The following SLCO3A1 variants were observed in gnomAD, a reference collection of about 807,000 sequenced individuals.
The protein encoded by SLCO3A1 is PGE1 transporter.
In SLCO3A1, 27 loss-of-function variants were observed where a neutral mutation model predicts 63.1. The observed-to-expected ratio is 0.43, with a 90% confidence interval of 0.32 to 0.59. The LOEUF is 0.59. Among genes scored for constraint, SLCO3A1 ranks in the 20% least tolerant of loss-of-function variants. SLCO3A1 has a pLI of 0.09. For synonymous variants in SLCO3A1, 473 were observed against 409.9 expected (o/e 1.15, Z -1.86); for missense variants, 773 against 945.8 (o/e 0.82, Z 2.40).
intron 2 of SLCO3A1, among the ~76,000 whole-genome samples, chr15:92,035,344 C>T (rs2046711892): frequency 6.6e-6 from 1 of 151,798 alleles, no homozygotes; most frequent in Admixed American, 6.6e-5. Flanking sequence ...TTTCCTTCGT[C>T]CAAACTGTGT....
At chr15:92,167,563 A>G (rs1017199140), downstream of SLCO3A1, among the ~76,000 whole-genome samples, 2 of 152,270 alleles carry the variant, frequency 1.3e-5, no homozygotes, top group African/African-American at 4.8e-5. Flanking sequence ...AATCCCTTAC[A>G]GTAAACCACC....
rs1313429810 is a variant in SLCO3A1, at chr15:91,875,117, T to C, written c.180+21029T>C. On this transcript the variant is annotated intron_variant, in intron 1 of 9. Transcript: ENST00000318445. The surrounding 1 kb of genome is among the most constrained non-coding windows in gnomAD (Gnocchi z 4.5). ...TCTGTGTTGGTGCCCTTTTAATAGATGAGTCAGTTGCTGAAATTCTGAGTA... is the reference window on the plus strand; with the variant it reads ...TCTGTGTTGGTGCCCTTTTAATAGACGAGTCAGTTGCTGAAATTCTGAGTA... 6.6e-6 allele frequency among the ~76,000 whole-genome samples: 1 copy of C among 152,226 alleles called. No individual in the cohort carries two copies. Among genetic ancestry groups the C allele is most frequent in the South Asian group, 2.1e-4 (1 of 4,834 alleles).
chr15:91,956,131 G>A (rs1016663303), intron 2 of SLCO3A1, among the ~76,000 whole-genome samples: 2 of 152,082 alleles, frequency 1.3e-5, no homozygotes, highest in African/African-American at 4.8e-5. Flanking sequence ...GCCAGCTTTT[G>A]GAAAAGGAAA....
chr15:92,041,329 G>C (rs958587375), intron 2 of SLCO3A1, among the ~76,000 whole-genome samples: 4 of 152,292 alleles, frequency 2.6e-5, no homozygotes, highest in African/African-American at 9.6e-5. Flanking sequence ...GGCAGGGAGG[G>C]AGACACAGAA....
chr15:91,889,888 A>G (rs1897828608), intron 1 of SLCO3A1, among the ~76,000 whole-genome samples: 1 of 150,994 alleles, frequency 6.6e-6, no homozygotes. Flanking sequence ...ACTTTAAGGG[A>G]AAGATAGTCT....
At chr15:91,957,547 G>A (rs757971366) in intron 2 of SLCO3A1, among the ~76,000 whole-genome samples, 4 of 152,018 alleles carry the variant, frequency 2.6e-5, no homozygotes, top group Non-Finnish European at 4.4e-5. Flanking sequence ...ATCAAGCTCA[G>A]TTCCCACCTC....
Position 92,163,082 on chromosome 15 carries a change from A to G in SLCO3A1, c.2080A>G (p.Ile694Val). ...AAACCAGACACATAGGACAAAGTTTATCTATAACCTGGAAGACCATGAGTG... is the reference window on the plus strand; with the variant it reads ...AAACCAGACACATAGGACAAAGTTTGTCTATAACCTGGAAGACCATGAGTG... ...PANQTHRTKFIYNLEDHEWCE... is the reference protein window; with the variant it reads ...PANQTHRTKFVYNLEDHEWCE... The change falls in exon 10 of 10, where the codon ATC becomes GTC. Residue 694 changes from isoleucine (I) to valine (V), a missense_variant. Transcript: ENST00000318445. 6 of 1,547,256 alleles carry G rather than the reference A, an allele frequency of 3.9e-6. No individual in the cohort carries two copies. Among genetic ancestry groups the G allele is most frequent in the Non-Finnish European group, 5.2e-6 (6 of 1,149,084 alleles).
chr15:92,021,311 C>T (rs2046506611), intron 2 of SLCO3A1, among the ~76,000 whole-genome samples: 3 of 152,234 alleles, frequency 2.0e-5, no homozygotes, highest in African/African-American at 7.2e-5. Flanking sequence ...ATACATTTCT[C>T]ATGTACCTAT....
At chr15:92,070,346 G>A (rs1245736196) in intron 2 of SLCO3A1, among the ~76,000 whole-genome samples, 1 of 152,232 alleles carries the variant, frequency 6.6e-6, no homozygotes, top group Non-Finnish European at 1.5e-5. Context: ...AACATGTCTT[G>A]AAATAATTAC....
At chr15:91,940,316 A>G (rs575543177) in intron 2 of SLCO3A1, among the ~76,000 whole-genome samples, 4 of 152,230 alleles carry the variant, frequency 2.6e-5, no homozygotes, top group Non-Finnish European at 5.9e-5. Context: ...AATGTTTGCC[A>G]AGCCTGAGTC....
chr15:92,151,715 G>A (rs1015369279), intron 9 of SLCO3A1, among the ~76,000 whole-genome samples: 27 of 152,126 alleles, frequency 1.8e-4, no homozygotes, highest in African/African-American at 6.5e-4. Context: ...TTTTGTTAAG[G>A]CCAAGATCAA....
chr15:92,079,957 G>A (rs781737029), intron 2 of SLCO3A1, among the ~76,000 whole-genome samples: 1 of 152,248 alleles, frequency 6.6e-6, no homozygotes, highest in African/African-American at 2.4e-5. Context: ...CACAGAATGC[G>A]GGCCCTTCAG....
chr15:92,130,965 T>C (rs562534770), intron 7 of SLCO3A1, among the ~76,000 whole-genome samples: 1 of 151,088 alleles, frequency 6.6e-6, no homozygotes, highest in South Asian at 2.1e-4. Flanking sequence ...TCCCCTGGAA[T>C]TCTCCACCTT....
Position 92,146,993 on chromosome 15 carries a change from G to A in SLCO3A1, c.1522G>A (p.Gly508Ser). The change falls in exon 8 of 10, where the codon GGC (glycine) becomes AGC (serine). Residue 508 changes from glycine to serine, a missense_variant. This residue lies in a region of SLCO3A1 where 565 missense variants were observed against 749.8 expected (regional missense o/e 0.75). Coordinates refer to ENST00000318445, the MANE Select transcript of SLCO3A1 (RefSeq NM_013272.4). Reference sequence around the variant, plus strand: ...AACGCTTCCCTTTCAGAATCTCACGGGCTGTGCGTGCCTCACCACCGTCCC... The same window carrying A: ...AACGCTTCCCTTTCAGAATCTCACGAGCTGTGCGTGCCTCACCACCGTCCC... ...FAGCNSTNLT[G>S]CACLTTVPAE... 6.2e-7 allele frequency: 1 copy of A among 1,611,518 alleles called. No individual in the cohort carries two copies. Among genetic ancestry groups the A allele is most frequent in the Non-Finnish European group, 8.5e-7 (1 of 1,178,842 alleles).
chr15:91,956,310 A>T (rs1900176691), intron 2 of SLCO3A1, among the ~76,000 whole-genome samples: 1 of 152,128 alleles, frequency 6.6e-6, no homozygotes, highest in Admixed American at 6.5e-5. Context: ...TTGATGCGAA[A>T]TGGGCTGTGA....
At position 91,872,794 on chromosome 15, in the gene SLCO3A1, A is replaced by G. The variant is rs1016442375; in HGVS notation, c.180+18706A>G. 6.6e-6 allele frequency among the ~76,000 whole-genome samples: 1 copy of G among 152,236 alleles called. No individual in the cohort carries two copies. The highest frequency in any genetic ancestry group is 2.4e-5 in the African/African-American group (1 of 41,458). On this transcript the variant is annotated intron_variant, in intron 1 of 9. Coordinates refer to ENST00000318445, the MANE Select transcript of SLCO3A1 (RefSeq NM_013272.4). The surrounding 1 kb of genome is among the most constrained non-coding windows in gnomAD (Gnocchi z 4.1). ...AGGGAAAAGGTAATGAACATTGAAC[A>G]TGACTTTACTGGGACCAGAGAATAA...
At chr15:92,010,023 C>T (rs976188229) in intron 2 of SLCO3A1, among the ~76,000 whole-genome samples, 7 of 152,190 alleles carry the variant, frequency 4.6e-5, no homozygotes, top group African/African-American at 1.7e-4. Flanking sequence ...TGCAATTTCA[C>T]CGCACTCTTG....
chr15:92,166,440 T>A (rs976793897), downstream of SLCO3A1, among the ~76,000 whole-genome samples: 5 of 152,248 alleles, frequency 3.3e-5, no homozygotes, highest in Non-Finnish European at 5.9e-5. Context: ...TCTCACCATC[T>A]GATCATGGAA....
chr15:91,937,091 G>T (rs1899439983), intron 2 of SLCO3A1, among the ~76,000 whole-genome samples: 1 of 152,200 alleles, frequency 6.6e-6, no homozygotes, highest in Non-Finnish European at 1.5e-5. Flanking sequence ...CATGAGAAGT[G>T]GGTGAAGGGT....
Sources: allele counts gnomAD v4.1 joint callset (sites outside exome capture counted in the v4.1 genomes callset), GRCh38; gene constraint gnomAD v4.1.1; regional missense constraint gnomAD v4.1.1; non-coding constraint Gnocchi (gnomAD v3.1); transcripts MANE v1.5; gene names NCBI Gene and HGNC (gene_info 2026-07-23, HGNC 2026-07-21).